The following COMMD10 variants were observed in gnomAD, a reference collection of about 807,000 sequenced individuals.
COMMD10 encodes COMM domain containing 10.
Under a neutral mutation model 28.9 loss-of-function variants are expected in COMMD10, and 33 were observed. That is an observed-to-expected ratio of 1.14 (90% CI 0.87 to 1.53). The LOEUF (loss-of-function observed/expected upper bound fraction) is 1.53. Among genes scored for constraint, COMMD10 ranks in the 40% most tolerant of loss-of-function variants. The probability of loss-of-function intolerance (pLI) is 0.00; values close to 1 mark genes in which losing one functional copy is unlikely to be tolerated. For synonymous variants in COMMD10, 110 were observed against 81.7 expected, an observed-to-expected ratio of 1.35 and a Z score of -1.87; for missense variants, 310 against 233.4, an observed-to-expected ratio of 1.33 and a Z score of -2.14.
rs546153709 is a variant in COMMD10 at position 116,217,055 on chromosome 5, C to T, written c.511-74462C>T. Among the ~76,000 whole-genome samples, 42 of 151,606 alleles carry T rather than the reference C, an allele frequency of 2.8e-4. No individual in the cohort carries two copies. The South Asian group carries it at 5.8e-3, about 21-fold the overall frequency. On this transcript the variant is annotated intron_variant, in intron 5 of 6. Coordinates refer to ENST00000274458, the MANE Select transcript of COMMD10 (RefSeq NM_016144.4). ...AGTCATTACATAGTCATTAAAAAAC[C>T]AGAGCTTTACATATTTTTATAAAAT...
At chr5:116,268,212 C>G (rs1017026122) in intron 5 of COMMD10, among the ~76,000 whole-genome samples, 1 of 151,844 alleles carries the variant, frequency 6.6e-6, no homozygotes, top group East Asian at 1.9e-4. Flanking sequence ...TGACAAAGGG[C>G]TAATATCCAG....
intron 5 of COMMD10, among the ~76,000 whole-genome samples, chr5:116,178,466 T>A (rs1209797939): frequency 6.6e-6 from 1 of 152,100 alleles, no homozygotes; most frequent in Admixed American, 6.6e-5. Context: ...TAACGGATAA[T>A]AAAGTACAAT....
chr5:116,119,576 T>G (rs888757932), intron 4 of COMMD10, among the ~76,000 whole-genome samples: 1 of 152,204 alleles, frequency 6.6e-6, no homozygotes, highest in African/African-American at 2.4e-5. Context: ...TGTATACCAG[T>G]CATCTCTGAT....
At chr5:116,143,401 A>T (rs1273141180) in intron 5 of COMMD10, among the ~76,000 whole-genome samples, 3 of 151,676 alleles carry the variant, frequency 2.0e-5, no homozygotes, top group Non-Finnish European at 4.4e-5. Flanking sequence ...TGGAGGAGAA[A>T]ATCTCTGTTA....
At chr5:116,250,814 C>T (rs569965714) in intron 5 of COMMD10, among the ~76,000 whole-genome samples, 2 of 152,080 alleles carry the variant, frequency 1.3e-5, no homozygotes, top group South Asian at 2.1e-4. Context: ...AGGACCATAT[C>T]TGCAACTGGG....
chr5:116,102,197 A>G (rs1348194604), intron 4 of COMMD10, among the ~76,000 whole-genome samples: 2 of 152,192 alleles, frequency 1.3e-5, no homozygotes, highest in African/African-American at 2.4e-5. Context: ...CAAGTATTCC[A>G]TTGAAGTCTC....
rs746746464 is a variant in COMMD10, at chr5:116,291,476, G to A, written c.511-41G>A. ...GGAGAGAAAAAATGTGATGTAAATTGTGTGCAACTACATTCTTTTTGTTGT... is the reference window on the plus strand; with the variant it reads ...GGAGAGAAAAAATGTGATGTAAATTATGTGCAACTACATTCTTTTTGTTGT... On this transcript the variant is annotated intron_variant, in intron 5 of 6. Coordinates refer to ENST00000274458, the MANE Select transcript of COMMD10 (RefSeq NM_016144.4). 12 of 1,333,898 alleles carry A rather than the reference G, an allele frequency of 9.0e-6. No individual in the cohort carries two copies. The South Asian group carries it at 1.0e-4, about 11-fold the overall frequency. The allele number at this position is 1,333,898 out of a possible 1,614,324, so 82.6% of individuals were successfully genotyped here. A position where few individuals can be genotyped will look rare whatever the true frequency, so the allele number is the denominator to read the frequency against.
At chr5:116,091,860 A>G (rs1398173195) in intron 3 of COMMD10, among the ~76,000 whole-genome samples, 1 of 152,246 alleles carries the variant, frequency 6.6e-6, no homozygotes, top group African/African-American at 2.4e-5. Flanking sequence ...ATACTTGTGA[A>G]ATAAAAGTTT....
chr5:116,160,392 A>G (rs747285196), intron 5 of COMMD10, among the ~76,000 whole-genome samples: 1 of 152,188 alleles, frequency 6.6e-6, no homozygotes, highest in Non-Finnish European at 1.5e-5. Context: ...TGACCTTCTC[A>G]TAGTAACTTA....
chr5:116,181,224 TCTC>T (rs1351946097), intron 5 of COMMD10, among the ~76,000 whole-genome samples: 16 of 152,140 alleles, frequency 1.1e-4, no homozygotes, highest in Non-Finnish European at 1.8e-4. Flanking sequence ...GTAGTGTACT[TCTC>T]TGTTGGATTA....
At chr5:116,245,675 G>A (rs1450088320) in intron 5 of COMMD10, among the ~76,000 whole-genome samples, 2 of 152,108 alleles carry the variant, frequency 1.3e-5, no homozygotes, top group Admixed American at 1.3e-4. Flanking sequence ...GGGCTGCAAG[G>A]TCGGTTCAAC....
At chr5:116,224,108 C>T (rs1458163828) in intron 5 of COMMD10, among the ~76,000 whole-genome samples, 1 of 152,108 alleles carries the variant, frequency 6.6e-6, no homozygotes, top group East Asian at 1.9e-4. Flanking sequence ...GTTTCTTAAT[C>T]CAGGTTCTAA....
intron 5 of COMMD10, among the ~76,000 whole-genome samples, chr5:116,257,222 C>T (rs1041894134): frequency 1.3e-5 from 2 of 151,578 alleles, no homozygotes; most frequent in African/African-American, 4.9e-5. Context: ...GAATTTTCTA[C>T]TTGTAGTGTC....
chr5:116,118,525 C>T (rs1448658649), intron 4 of COMMD10, among the ~76,000 whole-genome samples: 1 of 151,856 alleles, frequency 6.6e-6, no homozygotes, highest in African/African-American at 2.4e-5. Context: ...TTTTTATTGA[C>T]AGAGAAAGGA....
At chr5:116,152,701 A>G (rs1434793421) in intron 5 of COMMD10, among the ~76,000 whole-genome samples, 2 of 152,094 alleles carry the variant, frequency 1.3e-5, no homozygotes, top group Admixed American at 1.3e-4. Flanking sequence ...ATGAGAAACC[A>G]GAAGTTTTTC....
chr5:116,131,466 A>G (rs980349655), intron 4 of COMMD10, among the ~76,000 whole-genome samples: 3 of 151,930 alleles, frequency 2.0e-5, no homozygotes, highest in Non-Finnish European at 4.4e-5. Context: ...TTAGCTCTAT[A>G]GGTTGCAGTC....
At chr5:116,136,761 G>T (rs1752036190) in intron 5 of COMMD10, among the ~76,000 whole-genome samples, 1 of 152,132 alleles carries the variant, frequency 6.6e-6, no homozygotes, top group Non-Finnish European at 1.5e-5. Context: ...ATTTTGGATA[G>T]ATGCATATAT....
chr5:116,207,529 A>AG (rs1398502512), intron 5 of COMMD10, among the ~76,000 whole-genome samples: 5 of 90,398 alleles, frequency 5.5e-5, no homozygotes, highest in Non-Finnish European at 1.7e-4. Flanking sequence ...TAAGTATTTC[A>AG]GATTTTTTTT....
At chr5:116,140,070 C>G (rs1305521329) in intron 5 of COMMD10, among the ~76,000 whole-genome samples, 5 of 151,604 alleles carry the variant, frequency 3.3e-5, no homozygotes, top group Admixed American at 2.0e-4. Context: ...CTGATAATCT[C>G]TGTTCTAATA....
Sources: gnomAD v4.1 joint callset for allele counts (sites outside exome capture counted in the v4.1 genomes callset) on GRCh38, gnomAD v4.1.1 for gene constraint, MANE v1.5 for transcripts, NCBI Gene and HGNC (gene_info 2026-07-23, HGNC 2026-07-21) for gene names.